The following ANO2 variants were observed in gnomAD, a reference collection of about 807,000 sequenced individuals.
ANO2 encodes the protein anoctamin 2.
A neutral mutation model predicts 124.2 loss-of-function variants in ANO2; 101 were observed. That is an observed-to-expected ratio of 0.81 (90% CI 0.69 to 0.96). The LOEUF (loss-of-function observed/expected upper bound fraction) is 0.96, where lower values mean the gene tolerates loss of function less well. Ranked by LOEUF, ANO2 falls within the 40% of genes least tolerant of loss-of-function variation. The pLI, the probability that ANO2 is intolerant of heterozygous loss-of-function variation, is 0.00. For missense variants in ANO2, 1,293 were observed against 1,274.5 expected (o/e 1.01, Z -0.22); for synonymous variants, 486 against 482.5 (o/e 1.01, Z -0.09).
chr12:5,584,473 G>A (rs1248724970), intron 20 of ANO2, among the ~76,000 whole-genome samples: 3 of 152,142 alleles, frequency 2.0e-5, no homozygotes, highest in Non-Finnish European at 4.4e-5. Flanking sequence ...AGCCATTAAT[G>A]AGCAGTGCAA....
intron 14 of ANO2, among the ~76,000 whole-genome samples, chr12:5,690,493 G>A (rs1327165862): frequency 6.6e-6 from 1 of 152,186 alleles, no homozygotes; most frequent in East Asian, 1.9e-4. Flanking sequence ...CTGAAAGTCA[G>A]CATCCTCAGC....
At chr12:5,587,657 C>T (rs952383718) in intron 20 of ANO2, among the ~76,000 whole-genome samples, 1 of 152,074 alleles carries the variant, frequency 6.6e-6, no homozygotes, top group African/African-American at 2.4e-5. Context: ...TCCTAAAGTC[C>T]TTCTTAGTAA....
At chr12:5,865,004 T>C (rs1212151914) in intron 3 of ANO2, among the ~76,000 whole-genome samples, 1 of 152,164 alleles carries the variant, frequency 6.6e-6, no homozygotes, top group African/African-American at 2.4e-5. Context: ...TCTCCTGACT[T>C]AAAATTTGCA....
chr12:5,734,330 T>G (rs1052418363), intron 13 of ANO2, among the ~76,000 whole-genome samples: 4 of 152,256 alleles, frequency 2.6e-5, no homozygotes, highest in African/African-American at 9.6e-5. Flanking sequence ...CCCCATGGCC[T>G]CTGAAATTTG....
chr12:5,826,201 T>C (rs572360545), intron 7 of ANO2, among the ~76,000 whole-genome samples: 45 of 152,184 alleles, frequency 3.0e-4, no homozygotes, highest in Non-Finnish European at 6.2e-4. Flanking sequence ...GTACGAAGGA[T>C]AGTTGTATTA....
intron 7 of ANO2, among the ~76,000 whole-genome samples, chr12:5,808,446 T>C (rs1196546104): frequency 6.6e-6 from 1 of 152,172 alleles, no homozygotes; most frequent in Non-Finnish European, 1.5e-5. Context: ...GTCGCTGGCT[T>C]CCAGATGGGA....
chr12:5,756,661 G>T (rs1430288093), intron 10 of ANO2, among the ~76,000 whole-genome samples: 1 of 152,234 alleles, frequency 6.6e-6, no homozygotes, highest in East Asian at 1.9e-4. Context: ...GTCTGTGGGT[G>T]GGCTGGCCTG....
intron 7 of ANO2, among the ~76,000 whole-genome samples, chr12:5,809,825 G>T (rs954628485): frequency 6.6e-6 from 1 of 152,110 alleles, no homozygotes; most frequent in Non-Finnish European, 1.5e-5. Context: ...GCGTCTCACC[G>T]CACTTAGCTC....
At chr12:5,702,104 A>T (rs957009416) in intron 14 of ANO2, among the ~76,000 whole-genome samples, 2 of 152,224 alleles carry the variant, frequency 1.3e-5, no homozygotes, top group African/African-American at 4.8e-5. Flanking sequence ...CATGTTCAGA[A>T]CTTCTGGCTT....
At chr12:5,892,968 A>C (rs555443787) in intron 3 of ANO2, among the ~76,000 whole-genome samples, 89 of 152,334 alleles carry the variant, frequency 5.8e-4, no homozygotes, top group Middle Eastern at 3.4e-3. Context: ...ACTATAATAC[A>C]TAAGACAAAT....
At chr12:5,593,498 C>G (rs1943510366) in intron 20 of ANO2, among the ~76,000 whole-genome samples, 1 of 152,152 alleles carries the variant, frequency 6.6e-6, no homozygotes, top group Non-Finnish European at 1.5e-5. Context: ...TTAGGTATGC[C>G]TTGGGGTCTG....
chr12:5,843,514 C>T (rs189953754), intron 4 of ANO2, among the ~76,000 whole-genome samples: 47 of 151,952 alleles, frequency 3.1e-4, no homozygotes, highest in Non-Finnish European at 6.6e-4. Flanking sequence ...TGCGCCACTG[C>T]ACTCCAGCCT....
At chr12:5,577,781 G>A (rs1591654481) in intron 22 of ANO2, among the ~76,000 whole-genome samples, 174 bp downstream of exon 22, 1 of 152,156 alleles carries the variant, frequency 6.6e-6, no homozygotes, top group Non-Finnish European at 1.5e-5. Flanking sequence ...CAGCCTCAGC[G>A]ACAGCATGAT....
chr12:5,799,578 A>G lies in ANO2; in HGVS notation c.991-7T>C, dbSNP rs757719851. The G allele has an allele frequency of 1.5e-5, 25 of 1,613,428 alleles. No individual in the cohort carries two copies. The Middle Eastern group carries it at 8.2e-4, about 53-fold the overall frequency. Reference sequence around the variant, plus strand: ...CCCATTCTTGATATAGCAGCTAAACAAAGAAAATAAGGAAACAGGTTAGAG... The same window carrying G: ...CCCATTCTTGATATAGCAGCTAAACGAAGAAAATAAGGAAACAGGTTAGAG... On this transcript the variant is annotated splice_polypyrimidine_tract_variant and splice_region_variant and intron_variant, in intron 9 of 24. Transcript: ENST00000682330.
chr12:5,836,620 T>C (rs936588048), intron 4 of ANO2, among the ~76,000 whole-genome samples: 3 of 152,188 alleles, frequency 2.0e-5, no homozygotes, highest in African/African-American at 7.2e-5. Flanking sequence ...ATGGAACCTG[T>C]AGAAGTCTCC....
At chr12:5,891,660 AG>A (rs1276894401) in intron 3 of ANO2, among the ~76,000 whole-genome samples, 1 of 152,232 alleles carries the variant, frequency 6.6e-6, no homozygotes, top group Non-Finnish European at 1.5e-5. Context: ...GTAAAGACTG[AG>A]CTACATAATA....
At chr12:5,697,656 C>T (rs1949239386) in intron 14 of ANO2, among the ~76,000 whole-genome samples, 2 of 152,174 alleles carry the variant, frequency 1.3e-5, no homozygotes, top group Non-Finnish European at 2.9e-5. Context: ...CAGGGCGAGG[C>T]ATCCCCTCAC....
chr12:5,739,141 C>T (rs756989744), intron 13 of ANO2, 176 bp downstream of exon 13: 1 of 710,108 alleles, frequency 1.4e-6, no homozygotes, highest in Non-Finnish European at 2.6e-6. Context: ...CTCTTGGCCT[C>T]AGAGTAGGTC....
intron 7 of ANO2, among the ~76,000 whole-genome samples, chr12:5,819,761 T>C (rs1338813163): frequency 1.3e-5 from 2 of 152,204 alleles, no homozygotes; most frequent in Admixed American, 6.5e-5. Flanking sequence ...CTTCTCTGTA[T>C]GTCAGATCTA....
Sources: allele counts gnomAD v4.1 joint callset (sites outside exome capture counted in the v4.1 genomes callset), GRCh38; gene constraint gnomAD v4.1.1; transcripts MANE v1.5; gene names NCBI Gene and HGNC (gene_info 2026-07-23, HGNC 2026-07-21).